DPYD: variants seen among roughly 807,000 people sequenced by gnomAD.
DPYD encodes the protein dihydropyrimidine dehydrogenase [NADP(+)].
In DPYD, 109 loss-of-function variants were observed where a neutral mutation model predicts 116.2. That is an observed-to-expected ratio of 0.94 (90% CI 0.80 to 1.10). The LOEUF (loss-of-function observed/expected upper bound fraction) is 1.10. Among genes scored for constraint, DPYD ranks in the 50% least tolerant of loss-of-function variants. The pLI is 0.00. For synonymous variants in DPYD, 440 were observed against 432.0 expected, an observed-to-expected ratio of 1.02 and a Z score of -0.23; for missense variants, 1,302 against 1,254.5, an observed-to-expected ratio of 1.04 and a Z score of -0.57.
rs182673680 is a variant in DPYD, at chr1:97,170,707, G to A, written c.2622+22362C>T. On this transcript the variant is annotated intron_variant, in intron 20 of 22. Transcript: ENST00000370192. ...TTTTTTTTTTTTGAGATAGAGTCCC[G>A]CTCTGTCACCCAGGCTGGAGTGCAG... 2.7e-5 allele frequency among the ~76,000 whole-genome samples: 4 copies of A among 147,968 alleles called. No homozygotes were observed. In the Admixed American group the frequency reaches 2.7e-4, roughly 10 times the overall value.
intron 18 of DPYD, among the ~76,000 whole-genome samples, chr1:97,278,300 G>A (rs972374814): frequency 2.6e-5 from 4 of 152,110 alleles, no homozygotes; most frequent in Admixed American, 1.3e-4. Context: ...AAAGTAATGC[G>A]CCAGTCTATA....
At chr1:97,763,445 C>T (rs1046497728) in intron 3 of DPYD, among the ~76,000 whole-genome samples, 15 of 151,860 alleles carry the variant, frequency 9.9e-5, no homozygotes, top group Admixed American at 8.5e-4. Context: ...CTCTCATTCC[C>T]TTTAGTTTTC....
chr1:97,792,892 C>G (rs2101280102), intron 3 of DPYD, among the ~76,000 whole-genome samples: 1 of 152,150 alleles, frequency 6.6e-6, no homozygotes, highest in South Asian at 2.1e-4. Flanking sequence ...ACTGCCACAG[C>G]CAAGAGAAGC....
At chr1:97,226,080 T>C (rs1270857072) in intron 19 of DPYD, among the ~76,000 whole-genome samples, 1 of 152,114 alleles carries the variant, frequency 6.6e-6, no homozygotes, top group Non-Finnish European at 1.5e-5. Context: ...GTGAGAATGA[T>C]TAAACCTATG....
chr1:97,167,297 G>T (rs557816747), intron 20 of DPYD, among the ~76,000 whole-genome samples: 40 of 152,110 alleles, frequency 2.6e-4, no homozygotes, highest in Non-Finnish European at 5.3e-4. Flanking sequence ...TAGTGTGCTG[G>T]CATTAGATTT....
At chr1:97,205,294 A>G (rs895861930) in intron 19 of DPYD, among the ~76,000 whole-genome samples, 1 of 152,048 alleles carries the variant, frequency 6.6e-6, no homozygotes. Context: ...CTAAAAATCT[A>G]CTATGCTGTA....
At chr1:97,488,958 C>G (rs1015775983) in intron 13 of DPYD, among the ~76,000 whole-genome samples, 1 of 152,218 alleles carries the variant, frequency 6.6e-6, no homozygotes, top group Admixed American at 6.5e-5. Flanking sequence ...ACCTCTGCTG[C>G]TGTGTATGCT....
chr1:97,430,725 CAG>C (rs1675128706), intron 14 of DPYD, among the ~76,000 whole-genome samples: 1 of 152,120 alleles, frequency 6.6e-6, no homozygotes, highest in African/African-American at 2.4e-5. Context: ...GGTTAGTAAG[CAG>C]AGTCTTATAT....
intron 20 of DPYD, among the ~76,000 whole-genome samples, chr1:97,171,398 C>T (rs951917861): frequency 2.0e-5 from 3 of 152,166 alleles, no homozygotes; most frequent in African/African-American, 4.8e-5. Flanking sequence ...CACAGATTAG[C>T]AAAATCTTAA....
At position 97,306,176 on chromosome 1, in the gene DPYD, C is replaced by CCTT. The variant is rs1345572875; in HGVS notation, c.2177_2179dup (p.Glu726dup). ...GCAACTGATTCAAGTCAAGTTCTTA[C>CCTT]CTTCCTTTGCAGCTCTTGCGATGCT... On this transcript the variant is annotated inframe_insertion and splice_region_variant. Transcript: ENST00000370192. 6.2e-7 allele frequency: 1 copy of CCTT among 1,612,224 alleles called. No individual in the cohort carries two copies. The highest frequency in any genetic ancestry group is 1.3e-5 in the African/African-American group (1 of 74,796).
intron 8 of DPYD, among the ~76,000 whole-genome samples, chr1:97,673,442 A>G (rs933748932): frequency 6.6e-6 from 1 of 152,050 alleles, no homozygotes; most frequent in African/African-American, 2.4e-5. Flanking sequence ...TTGTTAAGCA[A>G]CCTATAAATT....
intron 5 of DPYD, among the ~76,000 whole-genome samples, chr1:97,703,586 T>G (rs1571217728): frequency 6.6e-6 from 1 of 151,936 alleles, no homozygotes; most frequent in Non-Finnish European, 1.5e-5. Flanking sequence ...CTAGCCACAT[T>G]TGATTAAGTT....
At chr1:97,669,265 T>G (rs564615321) in intron 8 of DPYD, among the ~76,000 whole-genome samples, 8 of 152,282 alleles carry the variant, frequency 5.3e-5, no homozygotes, top group African/African-American at 1.9e-4. Flanking sequence ...CTTTCTTAGA[T>G]GTCCACAGTA....
intron 18 of DPYD, among the ~76,000 whole-genome samples, chr1:97,288,136 C>T (rs961026260): frequency 4.6e-5 from 7 of 151,624 alleles, no homozygotes; most frequent in Admixed American, 1.3e-4. Context: ...GAAAAGCTAA[C>T]TATCCTAAAT....
chr1:97,274,838 T>C (rs371693628), intron 18 of DPYD, among the ~76,000 whole-genome samples: 2 of 152,162 alleles, frequency 1.3e-5, no homozygotes, highest in East Asian at 3.9e-4. Flanking sequence ...GGATCAGTTA[T>C]ATGCCAGGCA....
intron 12 of DPYD, among the ~76,000 whole-genome samples, chr1:97,529,191 C>T (rs1246203483): frequency 6.6e-6 from 1 of 152,184 alleles, no homozygotes; most frequent in Non-Finnish European, 1.5e-5. Context: ...GGTAGTATCA[C>T]CAATGAGCCA....
chr1:97,167,263 T>C (rs1324991610), intron 20 of DPYD, among the ~76,000 whole-genome samples: 3 of 152,178 alleles, frequency 2.0e-5, no homozygotes, highest in Non-Finnish European at 4.4e-5. Flanking sequence ...CTACCTCATA[T>C]TCATATACTC....
intron 21 of DPYD, among the ~76,000 whole-genome samples, chr1:97,097,513 C>T (rs1428737701): frequency 6.6e-6 from 1 of 152,068 alleles, no homozygotes; most frequent in African/African-American, 2.4e-5. Context: ...TAACTGCAAA[C>T]TACATTTTAG....
Position 97,731,699 on chromosome 1 carries a change from T to A in DPYD, c.321+8693A>T, listed in dbSNP as rs117316513. Among the ~76,000 whole-genome samples the A allele has an allele frequency of 5.7e-4, 87 of 152,130 alleles. 1 individual carries two copies. The East Asian group carries it at 0.016, about 28-fold the overall frequency. On this transcript the variant is annotated intron_variant, in intron 4 of 22. Coordinates refer to ENST00000370192, the MANE Select transcript of DPYD (RefSeq NM_000110.4). ...CAAATTTCTTTTCTATACAATGAGATGCCTAGTTCAATTACATTTTCTTTT... is the reference window on the plus strand; with the variant it reads ...CAAATTTCTTTTCTATACAATGAGAAGCCTAGTTCAATTACATTTTCTTTT...
Sources: gnomAD v4.1 joint callset for allele counts (sites outside exome capture counted in the v4.1 genomes callset) on GRCh38, gnomAD v4.1.1 for gene constraint, MANE v1.5 for transcripts, NCBI Gene and HGNC (gene_info 2026-07-23, HGNC 2026-07-21) for gene names.